The following SLC1A6 variants were observed in gnomAD, a reference collection of about 807,000 sequenced individuals.
The protein encoded by SLC1A6 is solute carrier family 1 member 6.
Under a neutral mutation model 42.1 loss-of-function variants are expected in SLC1A6, and 15 were observed. The ratio of observed to expected loss-of-function variants is 0.36; its 90% confidence interval spans 0.24 to 0.55. SLC1A6 has a LOEUF of 0.55. SLC1A6 is among the 20% of genes least tolerant of loss of function. The pLI, the probability that SLC1A6 is intolerant of heterozygous loss-of-function variation, is 0.88. For missense variants in SLC1A6, 542 were observed against 772.5 expected (o/e 0.70, Z 3.54); for synonymous variants, 317 against 319.7 (o/e 0.99, Z 0.09).
At chr19:14,995,436 G>A (rs536129849) in intron 1 of SLC1A6, among the ~76,000 whole-genome samples, 1 of 151,980 alleles carries the variant, frequency 6.6e-6, no homozygotes, top group Admixed American at 6.6e-5. Flanking sequence ...CATAGCCTTG[G>A]GTGGTTGAGG....
At chr19:14,969,545 C>T (rs1004580441) in intron 3 of SLC1A6, among the ~76,000 whole-genome samples, 13 of 152,350 alleles carry the variant, frequency 8.5e-5, no homozygotes, top group Non-Finnish European at 1.9e-4. Context: ...TCTTTTGAAA[C>T]CCACATCTTT....
At chr19:15,003,038 G>A (rs1436788635) in intron 1 of SLC1A6, among the ~76,000 whole-genome samples, 1 of 152,018 alleles carries the variant, frequency 6.6e-6, no homozygotes, top group Non-Finnish European at 1.5e-5. Flanking sequence ...GAGCACAGTG[G>A]CACAATCTCA....
At position 14,950,620 on chromosome 19, in the gene SLC1A6, A is replaced by AT. The variant is rs869238012; in HGVS notation, c.1500-231dup. On this transcript the variant is annotated intron_variant, in intron 9 of 9. Coordinates refer to ENST00000594383, the MANE Select transcript of SLC1A6 (RefSeq NM_005071.3). ...GTTCATGTTTGATCTTAGATGTGAT[A>AT]TTTTTTAAAAAATGAGGCTGGGTGT... Among the ~76,000 whole-genome samples, 3 of 152,064 alleles carry AT rather than the reference A, an allele frequency of 2.0e-5. No individual in the cohort carries two copies. The South Asian group carries it at 6.2e-4, about 32-fold the overall frequency.
chr19:15,004,428 A>G (rs1483724535), intron 1 of SLC1A6, among the ~76,000 whole-genome samples: 3 of 150,898 alleles, frequency 2.0e-5, no homozygotes, highest in African/African-American at 7.3e-5. Context: ...AAGGCTGGCC[A>G]TGGTGGCTTG....
At chr19:15,002,890 TTTTG>T (rs147491469) in intron 1 of SLC1A6, among the ~76,000 whole-genome samples, 65,159 of 151,868 alleles carry the variant, frequency 0.43, 14,372 homozygotes, top group South Asian at 0.55. Flanking sequence ...GAGCCATTAT[TTTTG>T]TTTGTTTGTT....
At chr19:14,953,263 T>G (rs889976257) in intron 8 of SLC1A6, among the ~76,000 whole-genome samples, 1 of 52,118 alleles carries the variant, frequency 1.9e-5, no homozygotes, top group Admixed American at 1.8e-4. Flanking sequence ...ACCCCGCCCC[T>G]CCCCTCCTCG....
chr19:14,979,050 T>TCTCACACACA lies in SLC1A6; in HGVS notation c.-8+258_-8+259insTGTGTGTGAG, dbSNP rs993487319. Among the ~76,000 whole-genome samples, 2 of 131,298 alleles carry TCTCACACACA rather than the reference T, an allele frequency of 1.5e-5. No homozygotes were observed. Among genetic ancestry groups the TCTCACACACA allele is most frequent in the Non-Finnish European group, 1.6e-5 (1 of 61,950 alleles). 86.1% of individuals were successfully genotyped at this position (131,298 alleles called of 152,430 possible). A position where few individuals can be genotyped will look rare whatever the true frequency, so the allele number is the denominator to read the frequency against. On this transcript the variant is annotated intron_variant, in intron 1 of 9. Coordinates refer to ENST00000594383, the MANE Select transcript of SLC1A6 (RefSeq NM_005071.3). This position sits in a 1 kb window ranked among gnomAD's most constrained non-coding sequence, Gnocchi z 4.2. Reference sequence around the variant, plus strand: ...CAAATTCAGTCTCTCTCTCTCTCTGTCACACACACACACACACACACACAC... The same window carrying TCTCACACACA: ...CAAATTCAGTCTCTCTCTCTCTCTGTCTCACACACACACACACACACACACACACACACAC...
intron 8 of SLC1A6, among the ~76,000 whole-genome samples, chr19:14,953,893 T>C (rs989421917): frequency 1.3e-5 from 2 of 152,182 alleles, no homozygotes; most frequent in African/African-American, 4.8e-5. Context: ...ACTGGACAAA[T>C]GGATCTCCCA....
chr19:14,995,098 G>A (rs903669909), intron 1 of SLC1A6, among the ~76,000 whole-genome samples: 2 of 152,050 alleles, frequency 1.3e-5, no homozygotes, highest in African/African-American at 4.8e-5. Flanking sequence ...GCCAAGACGG[G>A]TGGATCACCT....
At chr19:14,965,072 T>C (rs1302830173) in intron 4 of SLC1A6, among the ~76,000 whole-genome samples, 1 of 151,108 alleles carries the variant, frequency 6.6e-6, no homozygotes, top group African/African-American at 2.4e-5. Context: ...CAGGCTGGAG[T>C]GCAGTGGTGC....
chr19:14,986,101 A>ATTTTTTTT (rs34189680), intron 1 of SLC1A6, among the ~76,000 whole-genome samples: 1 of 145,860 alleles, frequency 6.9e-6, no homozygotes, highest in Non-Finnish European at 1.5e-5. Flanking sequence ...ACAAGCAGTA[A>ATTTTTTTT]TTTTTTTTTT....
At position 14,960,923 on chromosome 19, in the gene SLC1A6, T is replaced by A. The variant is rs536572522; in HGVS notation, c.935+1079A>T. ...CACAAAGAGAGTAGATTTTAAGTGG[T>A]CTCTCCCTTTTTTTTTTTTTTTGAG... On this transcript the variant is annotated intron_variant, in intron 6 of 9. Coordinates refer to ENST00000594383, the MANE Select transcript of SLC1A6 (RefSeq NM_005071.3). 3.2e-3 allele frequency among the ~76,000 whole-genome samples: 350 copies of A among 107,950 alleles called. 2 individuals carry two copies. Among genetic ancestry groups the A allele is most frequent in the African/African-American group, 0.013 (344 of 27,240 alleles). 70.8% of individuals were successfully genotyped at this position (107,950 alleles called of 152,430 possible). A position where few individuals can be genotyped will look rare whatever the true frequency, so the allele number is the denominator to read the frequency against.
intron 1 of SLC1A6, chr19:14,977,214 C>T (rs1548543): frequency 0.68 from 103,439 of 151,758 alleles, 35,316 homozygotes; most frequent in South Asian, 0.72. Flanking sequence ...GAGTTTTGTC[C>T]GGTTCCTTTC....
chr19:14,972,461 TGTGA>T (rs1023131102), intron 2 of SLC1A6, among the ~76,000 whole-genome samples: 16 of 152,358 alleles, frequency 1.1e-4, no homozygotes, highest in East Asian at 7.7e-4. Context: ...TATGTATATA[TGTGA>T]GTGTGTGTGT....
chr19:14,950,041 A>G lies in SLC1A6; in HGVS notation c.*154T>C. 1 of 516,634 alleles carries G rather than the reference A, an allele frequency of 1.9e-6. No individual in the cohort carries two copies. Among genetic ancestry groups the G allele is most frequent in the Non-Finnish European group, 3.3e-6 (1 of 299,682 alleles). The allele number at this position is 516,634 out of a possible 1,614,324, so 32.0% of individuals were successfully genotyped here. A position where few individuals can be genotyped will look rare whatever the true frequency, so the allele number is the denominator to read the frequency against. On this transcript the variant is annotated 3_prime_UTR_variant, in exon 10 of 10. Transcript: ENST00000594383. The stretch of plus-strand genomic sequence containing the variant: ...GAAACAGAGACCTTATATACCTTTC[A>G]TTCCTGCTCCTTTATTTCACTTTTC...
intron 6 of SLC1A6, among the ~76,000 whole-genome samples, chr19:14,958,390 G>A (rs768403523): frequency 3.3e-5 from 5 of 150,512 alleles, no homozygotes; most frequent in Middle Eastern, 3.4e-3. Context: ...CAGCTTGGGC[G>A]ACAGAGCCAG....
rs115026360 is a variant in SLC1A6 at position 15,006,845 on chromosome 19, A to G, written c.6+3640T>C. On this transcript the variant is annotated intron_variant, in intron 1 of 8. Transcript: ENST00000430939. ...CACATGCCCGTAGTCCTAGATACTT[A>G]GGAGGCTGAGAGTGAGAGGATCCCT... is the stretch of plus-strand genomic sequence containing the variant. 4.9e-3 allele frequency among the ~76,000 whole-genome samples: 741 copies of G among 152,244 alleles called. 11 individuals are homozygous for G. Among genetic ancestry groups the G allele is most frequent in the African/African-American group, 0.017 (717 of 41,572 alleles).
chr19:14,972,673 T>C (rs3746294), intron 2 of SLC1A6, 33 bp downstream of exon 2: 471,391 of 1,592,318 alleles, frequency 0.3, 71,313 homozygotes, highest in East Asian at 0.32. Flanking sequence ...CGCCTTTCCC[T>C]GAAGTCCCCG....
At chr19:14,952,872 G>T in intron 9 of SLC1A6, 56 bp downstream of exon 9, 1 of 1,579,354 alleles carries the variant, frequency 6.3e-7, no homozygotes, top group Non-Finnish European at 8.6e-7. Context: ...ACGTTGCAGG[G>T]GAAAGCAGTG....
Sources: allele counts gnomAD v4.1 joint callset (sites outside exome capture counted in the v4.1 genomes callset), GRCh38; gene constraint gnomAD v4.1.1; non-coding constraint Gnocchi (gnomAD v3.1); transcripts MANE v1.5; gene names NCBI Gene and HGNC (gene_info 2026-07-23, HGNC 2026-07-21).